The following KLF12 variants were observed in gnomAD, a reference collection of about 807,000 sequenced individuals.
The protein encoded by KLF12 is KLF transcription factor 12, also known as Krueppel-like factor 12.
In KLF12, 9 loss-of-function variants were observed where a neutral mutation model predicts 37.8. The ratio of observed to expected loss-of-function variants is 0.24; its 90% confidence interval spans 0.14 to 0.42. KLF12 has a LOEUF of 0.42. KLF12 is among the 10% of genes least tolerant of loss of function. The pLI, the probability that KLF12 is intolerant of heterozygous loss-of-function variation, is 1.00. For synonymous variants in KLF12, 208 were observed against 202.1 expected, an observed-to-expected ratio of 1.03 and a Z score of -0.25; for missense variants, 411 against 516.0, an observed-to-expected ratio of 0.80 and a Z score of 1.97.
chr13:74,036,143 TC>T (rs1893239616), intron 1 of KLF12, among the ~76,000 whole-genome samples: 1 of 152,288 alleles, frequency 6.6e-6, no homozygotes, highest in Admixed American at 6.5e-5. Context: ...CCACCCACTC[TC>T]TAAGTCTTCA....
chr13:73,876,253 G>A (rs993181538), intron 3 of KLF12, among the ~76,000 whole-genome samples: 21 of 152,066 alleles, frequency 1.4e-4, no homozygotes, highest in African/African-American at 5.1e-4. Context: ...GCTGAATTCA[G>A]TTCCTTGTGG....
intron 1 of KLF12, among the ~76,000 whole-genome samples, chr13:74,091,773 G>A (rs185369093): frequency 6.6e-6 from 1 of 152,058 alleles, no homozygotes; most frequent in Non-Finnish European, 1.5e-5. Flanking sequence ...TAAAAGCTAT[G>A]AAAAGCCAAC....
chr13:74,288,683 C>G, the KLF12 span, among the ~76,000 whole-genome samples: 8 of 152,226 alleles, frequency 5.3e-5, 1 homozygote, highest in Admixed American at 4.6e-4. Flanking sequence ...TGGGTTTCAG[C>G]GGCATACAGA....
chr13:74,051,967 A>G (rs1872952268), intron 1 of KLF12, among the ~76,000 whole-genome samples: 1 of 152,206 alleles, frequency 6.6e-6, no homozygotes, highest in African/African-American at 2.4e-5. Flanking sequence ...CACATTGTAT[A>G]AAACTATCAA....
chr13:73,759,815 T>G (rs1394217742), intron 6 of KLF12, among the ~76,000 whole-genome samples: 2 of 152,150 alleles, frequency 1.3e-5, no homozygotes, highest in Non-Finnish European at 2.9e-5. Flanking sequence ...TTGGAAATGC[T>G]CTGTCCCTCC....
At chr13:74,160,524 G>T in the KLF12 span, among the ~76,000 whole-genome samples, 180 of 152,304 alleles carry the variant, frequency 1.2e-3, 1 homozygote, top group African/African-American at 4.1e-3. Context: ...CACTTCCAGA[G>T]GACAGACAGC....
intron 1 of KLF12, among the ~76,000 whole-genome samples, chr13:74,102,383 A>C (rs1419175777): frequency 6.6e-6 from 1 of 151,886 alleles, no homozygotes; most frequent in Non-Finnish European, 1.5e-5. Context: ...ATCAGACACT[A>C]ACAGAAACAG....
the KLF12 span, among the ~76,000 whole-genome samples, chr13:74,299,411 T>C: frequency 6.6e-6 from 1 of 152,220 alleles, no homozygotes; most frequent in African/African-American, 2.4e-5. Flanking sequence ...TTTATTTGCT[T>C]ACTTCATAAA....
At chr13:73,715,280 G>T in intron 7 of KLF12, 88 bp downstream of exon 7, 1 of 1,111,532 alleles carries the variant, frequency 9.0e-7, no homozygotes, top group Non-Finnish European at 1.3e-6. Context: ...TACACAGGAT[G>T]AATGAGTACG....
intron 3 of KLF12, among the ~76,000 whole-genome samples, chr13:73,875,955 C>T (rs1236559702): frequency 1.3e-5 from 2 of 152,126 alleles, no homozygotes; most frequent in Non-Finnish European, 2.9e-5. Context: ...GTGTAAACCA[C>T]ATATGACTAT....
At chr13:73,908,179 G>A (rs1004005895) in intron 3 of KLF12, among the ~76,000 whole-genome samples, 2 of 152,064 alleles carry the variant, frequency 1.3e-5, no homozygotes, top group Admixed American at 6.5e-5. Context: ...GAGGTGGGTG[G>A]ATCACGAGTT....
At chr13:74,009,750 T>G (rs1892502796) in intron 1 of KLF12, among the ~76,000 whole-genome samples, 1 of 152,178 alleles carries the variant, frequency 6.6e-6, no homozygotes, top group African/African-American at 2.4e-5. Context: ...GAATTGTCAC[T>G]GCAGCATTTA....
chr13:73,853,530 A>G (rs1007828071), intron 3 of KLF12, among the ~76,000 whole-genome samples: 1 of 152,144 alleles, frequency 6.6e-6, no homozygotes, highest in Non-Finnish European at 1.5e-5. Context: ...TGAGGTCAGG[A>G]GTTCAAGACC....
At chr13:73,762,205 G>A (rs1221170156) in intron 6 of KLF12, among the ~76,000 whole-genome samples, 2 of 152,082 alleles carry the variant, frequency 1.3e-5, no homozygotes, top group Admixed American at 6.6e-5. Flanking sequence ...TGGCACTCTC[G>A]TTTCCTCCCT....
intron 5 of KLF12, among the ~76,000 whole-genome samples, chr13:73,805,830 A>G (rs1054948873): frequency 2.6e-5 from 4 of 152,066 alleles, no homozygotes; most frequent in South Asian, 4.1e-4. Flanking sequence ...TTTGAGATGG[A>G]GTCTTGCTCT....
the KLF12 span, among the ~76,000 whole-genome samples, chr13:74,218,333 G>A: frequency 2.6e-5 from 4 of 152,202 alleles, no homozygotes; most frequent in Non-Finnish European, 5.9e-5. Context: ...GGAGTGCCGA[G>A]AAATGAGAGT....
At chr13:73,984,001 G>A (rs1891754272) in intron 2 of KLF12, among the ~76,000 whole-genome samples, 1 of 152,158 alleles carries the variant, frequency 6.6e-6, no homozygotes, top group African/African-American at 2.4e-5. Context: ...CCACTACAAG[G>A]GTGGGTCCCA....
At chr13:73,985,085 A>G (rs1566493803) in intron 2 of KLF12, among the ~76,000 whole-genome samples, 2 of 152,310 alleles carry the variant, frequency 1.3e-5, no homozygotes, top group South Asian at 4.1e-4. Context: ...CCTTGGCCAC[A>G]TGAAGGCGTT....
intron 3 of KLF12, among the ~76,000 whole-genome samples, chr13:73,898,709 A>G (rs1887902533): frequency 6.6e-6 from 1 of 152,238 alleles, no homozygotes; most frequent in Admixed American, 6.5e-5. Context: ...TCTCATAAAA[A>G]TGACAGTACG....
Sources: allele counts gnomAD v4.1 joint callset (sites outside exome capture counted in the v4.1 genomes callset), GRCh38; gene constraint gnomAD v4.1.1; transcripts MANE v1.5; gene names NCBI Gene and HGNC (gene_info 2026-07-23, HGNC 2026-07-21).